NRP2: variants seen among roughly 807,000 people sequenced by gnomAD.
The protein encoded by NRP2 is neuropilin 2.
A neutral mutation model predicts 110.4 loss-of-function variants in NRP2; 52 were observed. That is an observed-to-expected ratio of 0.47 (90% CI 0.38 to 0.59). NRP2 has a LOEUF of 0.59. Ranked by LOEUF, NRP2 falls within the 20% of genes least tolerant of loss-of-function variation. The probability of loss-of-function intolerance (pLI) is 0.00; values close to 1 mark genes in which losing one functional copy is unlikely to be tolerated. For synonymous variants in NRP2, 508 were observed against 468.9 expected, an observed-to-expected ratio of 1.08 and a Z score of -1.08; for missense variants, 1,049 against 1,203.0, an observed-to-expected ratio of 0.87 and a Z score of 1.89.
intron 15 of NRP2, among the ~76,000 whole-genome samples, chr2:205,791,360 G>A (rs540156742): frequency 1.3e-5 from 2 of 152,202 alleles, no homozygotes; most frequent in African/African-American, 4.8e-5. Flanking sequence ...GGCATAATTA[G>A]CTTGTGAGAT....
At chr2:205,745,250 G>A (rs2057516398) in intron 9 of NRP2, among the ~76,000 whole-genome samples, 1 of 152,226 alleles carries the variant, frequency 6.6e-6, no homozygotes, top group Admixed American at 6.5e-5. Flanking sequence ...CATTGGCCTA[G>A]GGGTCATTTT....
chr2:205,793,064 G>A (rs908746266), intron 16 of NRP2, among the ~76,000 whole-genome samples: 5 of 152,152 alleles, frequency 3.3e-5, no homozygotes, highest in African/African-American at 9.7e-5. Context: ...AACTTCATGC[G>A]TAGTTATAGA....
At chr2:205,716,440 A>C in intron 3 of NRP2, 66 bp downstream of exon 3, 1 of 1,556,312 alleles carries the variant, frequency 6.4e-7, no homozygotes. Context: ...GACAGCACCC[A>C]GTGGGCTGAG....
chr2:205,752,056 C>T (rs375618366), intron 11 of NRP2, among the ~76,000 whole-genome samples: 46 of 152,304 alleles, frequency 3.0e-4, no homozygotes, highest in African/African-American at 1.1e-3. Context: ...TCAAAGCAGA[C>T]AGGACACCAC....
At chr2:205,789,712 C>G (rs2058276614) in intron 15 of NRP2, among the ~76,000 whole-genome samples, 2 of 152,256 alleles carry the variant, frequency 1.3e-5, no homozygotes, top group South Asian at 4.1e-4. Context: ...TCTTACCTGC[C>G]ACACCTTGCC....
At chr2:205,755,354 A>G (rs2057716241) in intron 12 of NRP2, among the ~76,000 whole-genome samples, 1 of 152,202 alleles carries the variant, frequency 6.6e-6, no homozygotes, top group African/African-American at 2.4e-5. Context: ...CCCTTAAGAT[A>G]TTGAAAGGGA....
chr2:205,719,272 T>C (rs2056964121), intron 3 of NRP2, among the ~76,000 whole-genome samples: 1 of 152,162 alleles, frequency 6.6e-6, no homozygotes, highest in African/African-American at 2.4e-5. Context: ...TACATTACCC[T>C]GGTGAGGCTC....
At chr2:205,727,853 G>C (rs764093945) in intron 6 of NRP2, 38 bp from the exon 7 acceptor site, 1 of 1,593,726 alleles carries the variant, frequency 6.3e-7, no homozygotes, top group South Asian at 1.1e-5. Context: ...CCCTGTGTTG[G>C]GAATGGTGGT....
rs766763562 is a variant in NRP2 at position 205,697,551 on chromosome 2, G to C, written c.81G>C (p.Pro27=). ...RHQVRGQPDP[P]CGGRLNSKDA... is the part of the protein sequence containing the mutation. The stretch of plus-strand genomic sequence containing the variant: ...CGTTGATTTCTCTTTCAGACCCACC[G>C]TGCGGAGGTCGTTTGAATTCCAAAG... The change falls in exon 2 of 17, where the codon CCG becomes CCC. Residue 27 remains proline, a synonymous_variant. Transcript: ENST00000357785. 6.2e-7 allele frequency: 1 copy of C among 1,613,878 alleles called. No individual in the cohort carries two copies.
chr2:205,688,014 T>C (rs2056216714), intron 1 of NRP2, among the ~76,000 whole-genome samples: 1 of 152,188 alleles, frequency 6.6e-6, no homozygotes, highest in African/African-American at 2.4e-5. Flanking sequence ...GACCTGAGTG[T>C]AAGACAATTC....
chr2:205,725,855 G>T lies in NRP2; in HGVS notation c.821-58G>T. ...CCCTAGAAGGGAGGCAGCATTTGGG[G>T]GATCCCGAGGTATGAGGTTGGAAGG... On this transcript the variant is annotated intron_variant, in intron 5 of 16. Transcript: ENST00000357785. This position sits in a 1 kb window ranked among gnomAD's most constrained non-coding sequence, Gnocchi z 4.1. 8.8e-6 allele frequency: 14 copies of T among 1,588,648 alleles called. No homozygotes were observed. Among genetic ancestry groups the T allele is most frequent in the Non-Finnish European group, 1.2e-5 (14 of 1,158,542 alleles).
At chr2:205,691,308 G>A (rs1191316385) in intron 1 of NRP2, among the ~76,000 whole-genome samples, 1 of 152,212 alleles carries the variant, frequency 6.6e-6, no homozygotes, top group Non-Finnish European at 1.5e-5. Flanking sequence ...CAGTATGGGA[G>A]AGGAGAAAGG....
chr2:205,753,105 C>T (rs1453432263), intron 12 of NRP2, 130 bp downstream of exon 12: 3 of 1,256,682 alleles, frequency 2.4e-6, no homozygotes, highest in Non-Finnish European at 3.4e-6. Flanking sequence ...GCCCACAAAC[C>T]ACCACAGTCT....
At chr2:205,750,537 T>G (rs16837607) in intron 11 of NRP2, among the ~76,000 whole-genome samples, 5,975 of 152,276 alleles carry the variant, frequency 0.039, 177 homozygotes, top group Non-Finnish European at 0.06. Flanking sequence ...TCGGAGTATA[T>G]CCAAGTTAGA....
At chr2:205,777,008 G>A in intron 15 of NRP2, 1 of 1,038,398 alleles carries the variant, frequency 9.6e-7, no homozygotes, top group Non-Finnish European at 1.2e-6. Flanking sequence ...GGTTCATTGT[G>A]TGTGTGTTTG....
chr2:205,758,083 G>A (rs1245105339), intron 12 of NRP2, among the ~76,000 whole-genome samples: 1 of 152,034 alleles, frequency 6.6e-6, no homozygotes, highest in Admixed American at 6.6e-5. Flanking sequence ...TCCACAAAAT[G>A]GTCTATTGTA....
intron 15 of NRP2, among the ~76,000 whole-genome samples, chr2:205,784,035 G>A (rs1281794603): frequency 4.4e-5 from 5 of 113,334 alleles, no homozygotes; most frequent in African/African-American, 1.7e-4. Context: ...GCCTTGTTTT[G>A]TCTTCTCTGT....
chr2:205,740,131 T>G, intron 7 of NRP2: 1 of 286,220 alleles, frequency 3.5e-6, no homozygotes, highest in Non-Finnish European at 6.8e-6. Context: ...GAAGAGGGAG[T>G]GTCAAGTTCA....
chr2:205,776,796 A>C, intron 15 of NRP2: 3 of 1,350,134 alleles, frequency 2.2e-6, no homozygotes, highest in Non-Finnish European at 2.9e-6. Flanking sequence ...ATCCACCCCC[A>C]AGCACTCCAC....
Sources: gnomAD v4.1 joint callset for allele counts (sites outside exome capture counted in the v4.1 genomes callset) on GRCh38, gnomAD v4.1.1 for gene constraint, Gnocchi (gnomAD v3.1) non-coding constraint, MANE v1.5 for transcripts, NCBI Gene and HGNC (gene_info 2026-07-23, HGNC 2026-07-21) for gene names.